The following B3GALT1 variants were observed in gnomAD, a reference collection of about 807,000 sequenced individuals.
B3GALT1 encodes the protein UDP-Gal:betaGlcNAc beta 1,3-galactosyltransferase, polypeptide 1.
B3GALT1 carries 10 observed loss-of-function variants against 23.2 expected under a neutral mutation model. The observed-to-expected ratio is 0.43, with a 90% CI of 0.27 to 0.73. The LOEUF is 0.73. Among genes scored for constraint, B3GALT1 ranks in the 30% least tolerant of loss-of-function variants. The pLI, the probability that B3GALT1 is intolerant of heterozygous loss-of-function variation, is 0.21. For missense variants in B3GALT1, 299 were observed against 405.4 expected (o/e 0.74, Z 2.25); for synonymous variants, 156 against 141.5 (o/e 1.10, Z -0.73).
chr2:167,832,040 T>G (rs1300414073), intron 4 of B3GALT1, among the ~76,000 whole-genome samples: 1 of 152,164 alleles, frequency 6.6e-6, no homozygotes, highest in Non-Finnish European at 1.5e-5. Context: ...CAAGGTGAGA[T>G]TCTTGAAATA....
At chr2:167,529,834 G>A (rs1324656281) in intron 2 of B3GALT1, among the ~76,000 whole-genome samples, 2 of 151,860 alleles carry the variant, frequency 1.3e-5, no homozygotes, top group Non-Finnish European at 2.9e-5. Flanking sequence ...TATTTCAGTA[G>A]TCTCTTATAT....
At chr2:167,398,936 A>G (rs139614038) in intron 1 of B3GALT1, among the ~76,000 whole-genome samples, 8 of 152,290 alleles carry the variant, frequency 5.3e-5, no homozygotes, top group Admixed American at 5.2e-4. Flanking sequence ...ATTTAATGCC[A>G]AGGTGACATC....
chr2:167,646,493 A>G (rs1685750291), intron 2 of B3GALT1, among the ~76,000 whole-genome samples: 1 of 152,224 alleles, frequency 6.6e-6, no homozygotes, highest in Admixed American at 6.5e-5. Context: ...AGTTGCTTAC[A>G]TAGCTGAAAC....
At chr2:167,827,378 C>T (rs777353927) in intron 4 of B3GALT1, among the ~76,000 whole-genome samples, 3 of 152,182 alleles carry the variant, frequency 2.0e-5, no homozygotes, top group Admixed American at 6.5e-5. Context: ...GCTGAGCACA[C>T]GGTCAGTTGG....
chr2:167,618,479 C>T (rs1206840553), intron 2 of B3GALT1, among the ~76,000 whole-genome samples: 2 of 151,664 alleles, frequency 1.3e-5, no homozygotes, highest in African/African-American at 4.8e-5. Flanking sequence ...TATGTATTTC[C>T]AAAAACAGAG....
intron 4 of B3GALT1, among the ~76,000 whole-genome samples, chr2:167,834,810 C>T (rs1041373793): frequency 6.6e-6 from 1 of 151,912 alleles, no homozygotes; most frequent in Non-Finnish European, 1.5e-5. Context: ...GATTGCAACA[C>T]TGCACTCTAG....
At chr2:167,469,115 G>C (rs575546209) in intron 1 of B3GALT1, among the ~76,000 whole-genome samples, 3 of 152,190 alleles carry the variant, frequency 2.0e-5, no homozygotes, top group African/African-American at 7.2e-5. Context: ...TAACAGAATT[G>C]TAGCAATCAA....
At chr2:167,570,474 A>G (rs900774528) in intron 2 of B3GALT1, among the ~76,000 whole-genome samples, 4 of 151,938 alleles carry the variant, frequency 2.6e-5, no homozygotes, top group Admixed American at 1.3e-4. Context: ...CAATAATGCT[A>G]TAAATGTTTT....
At chr2:167,755,331 C>T (rs147944733) in intron 3 of B3GALT1, among the ~76,000 whole-genome samples, 69 of 151,834 alleles carry the variant, frequency 4.5e-4, no homozygotes, top group African/African-American at 1.6e-3. Context: ...AAGGAGGACC[C>T]TGGGCAGAAT....
chr2:167,639,230 A>G (rs1016740409), intron 2 of B3GALT1, among the ~76,000 whole-genome samples: 5 of 152,026 alleles, frequency 3.3e-5, no homozygotes, highest in African/African-American at 1.2e-4. Flanking sequence ...AGAAAGTTAC[A>G]TAGTGTAAGC....
intron 4 of B3GALT1, among the ~76,000 whole-genome samples, chr2:167,862,189 G>A (rs1690115191): frequency 6.6e-6 from 1 of 152,226 alleles, no homozygotes; most frequent in South Asian, 2.1e-4. Context: ...ATTGTCTCAT[G>A]AGATTATGAG....
chr2:167,511,306 A>C lies in B3GALT1; in HGVS notation c.-410+21029A>C, dbSNP rs142868427. Among the ~76,000 whole-genome samples, 539 of 152,292 alleles carry C rather than the reference A, an allele frequency of 3.5e-3. 3 individuals carry two copies. The highest frequency in any genetic ancestry group is 0.012 in the African/African-American group (512 of 41,558). The stretch of plus-strand genomic sequence containing the variant: ...GGAGGGACCAGATGGAAATAATCGA[A>C]TCATTGGGATGGTTTTCCCCCTTCT... On this transcript the variant is annotated intron_variant, in intron 2 of 4. Coordinates refer to ENST00000392690, the MANE Select transcript of B3GALT1 (RefSeq NM_020981.4).
At chr2:167,649,097 G>A (rs74708924) in intron 3 of B3GALT1, among the ~76,000 whole-genome samples, 3,032 of 152,140 alleles carry the variant, frequency 0.02, 103 homozygotes, top group African/African-American at 0.07. Flanking sequence ...AAAGATTTTT[G>A]TTTTTATCAA....
intron 1 of B3GALT1, among the ~76,000 whole-genome samples, chr2:167,431,252 A>C (rs1186853984): frequency 6.6e-6 from 1 of 152,216 alleles, no homozygotes; most frequent in Non-Finnish European, 1.5e-5. Flanking sequence ...AAATGGGAAA[A>C]TAAAAGCCCT....
At chr2:167,699,132 C>T (rs1686833356) in intron 3 of B3GALT1, among the ~76,000 whole-genome samples, 1 of 152,138 alleles carries the variant, frequency 6.6e-6, no homozygotes. Context: ...AAAGATACCA[C>T]AGGATTACTG....
At chr2:167,465,674 A>G (rs947825426) in intron 1 of B3GALT1, among the ~76,000 whole-genome samples, 14 of 152,214 alleles carry the variant, frequency 9.2e-5, no homozygotes, top group African/African-American at 2.7e-4. Context: ...TTGAGGCGAT[A>G]CATTTAGACC....
At chr2:167,623,406 ATG>A (rs1685293886) in intron 2 of B3GALT1, among the ~76,000 whole-genome samples, 1 of 152,190 alleles carries the variant, frequency 6.6e-6, no homozygotes, top group Non-Finnish European at 1.5e-5. Flanking sequence ...CATATATACC[ATG>A]GAATACTATG....
chr2:167,545,023 CTTTTTTTTTTTTTTTT>C (rs869066627), intron 2 of B3GALT1, among the ~76,000 whole-genome samples: 5 of 54,270 alleles, frequency 9.2e-5, no homozygotes, highest in Admixed American at 3.1e-4. Flanking sequence ...GCTTGGGTGT[CTTTTTTTTTTTTTTTT>C]TTTTTTTTTT....
chr2:167,579,149 A>C (rs1030153878), intron 2 of B3GALT1, among the ~76,000 whole-genome samples: 4 of 152,024 alleles, frequency 2.6e-5, no homozygotes, highest in African/African-American at 9.7e-5. Context: ...GACTGAATTT[A>C]GTTTGCAGCT....
Sources: gnomAD v4.1 joint callset for allele counts (sites outside exome capture counted in the v4.1 genomes callset) on GRCh38, gnomAD v4.1.1 for gene constraint, MANE v1.5 for transcripts, NCBI Gene and HGNC (gene_info 2026-07-23, HGNC 2026-07-21) for gene names.